Variants in PHF2 observed in about 807,000 individuals in gnomAD.
PHF2 encodes PHD finger protein 2.
In PHF2, 27 loss-of-function variants were observed where a neutral mutation model predicts 120.5. That is an observed-to-expected ratio of 0.22 (90% confidence interval 0.17 to 0.31). The LOEUF (loss-of-function observed/expected upper bound fraction) is 0.31, where lower values mean the gene tolerates loss of function less well. PHF2 is among the 10% of genes least tolerant of loss of function. The pLI is 1.00. For synonymous variants in PHF2, 568 were observed against 592.5 expected, an observed-to-expected ratio of 0.96 and a Z score of 0.60; for missense variants, 1,024 against 1,434.8, an observed-to-expected ratio of 0.71 and a Z score of 4.63.
In PHF2 at chr9:93,673,872, A is replaced by G. The variant is rs1476508506; in HGVS notation, c.2626+10A>G. The stretch of plus-strand genomic sequence containing the variant: ...AAGGACTCAGACTACGGTGAGTGTC[A>G]CTCCTGCGTGGGGCAGGGCCCATGC... On this transcript the variant is annotated intron_variant, in intron 18 of 21. Coordinates refer to ENST00000359246, the MANE Select transcript of PHF2 (RefSeq NM_005392.4). The G allele has an allele frequency of 1.3e-6, 2 of 1,573,218 alleles. No individual in the cohort carries two copies. The highest frequency in any genetic ancestry group is 2.3e-5 in the East Asian group (1 of 44,044).
At chr9:93,608,322 C>CATA (rs200553405) in intron 1 of PHF2, among the ~76,000 whole-genome samples, 49,424 of 130,936 alleles carry the variant, frequency 0.38, 8,602 homozygotes, top group South Asian at 0.63. Flanking sequence ...GACACTGTCT[C>CATA]ATAATAATAA....
intron 1 of PHF2, among the ~76,000 whole-genome samples, chr9:93,599,287 G>C (rs4744258): frequency 0.31 from 47,399 of 152,188 alleles, 8,170 homozygotes; most frequent in South Asian, 0.61. Flanking sequence ...GATAGGCAGG[G>C]ATTAGGTGGC....
intron 1 of PHF2, among the ~76,000 whole-genome samples, chr9:93,580,809 G>A (rs1224869801): frequency 1.3e-5 from 2 of 152,204 alleles, no homozygotes; most frequent in Admixed American, 1.3e-4. Flanking sequence ...GGGCCCAGGG[G>A]TTAGCCAGGC....
intron 1 of PHF2, among the ~76,000 whole-genome samples, chr9:93,582,844 A>C (rs916088218): frequency 1.3e-5 from 2 of 152,238 alleles, no homozygotes; most frequent in African/African-American, 4.8e-5. Flanking sequence ...GTTTGCTTTT[A>C]TTGAAAATAT....
intron 5 of PHF2, among the ~76,000 whole-genome samples, chr9:93,651,423 A>T (rs7851178): frequency 0.36 from 54,801 of 151,916 alleles, 10,244 homozygotes; most frequent in Non-Finnish European, 0.4. Flanking sequence ...GGTTGTTTGC[A>T]ACTTTTGTTG....
At chr9:93,589,198 A>C (rs10123412) in intron 1 of PHF2, among the ~76,000 whole-genome samples, 1 of 152,184 alleles carries the variant, frequency 6.6e-6, no homozygotes, top group Non-Finnish European at 1.5e-5. Flanking sequence ...CCAAGTGCTC[A>C]CTGAAAGTTT....
At chr9:93,616,871 G>A (rs1269040528) in intron 1 of PHF2, among the ~76,000 whole-genome samples, 2 of 152,070 alleles carry the variant, frequency 1.3e-5, no homozygotes, top group Non-Finnish European at 2.9e-5. Flanking sequence ...GGCCAGGCTA[G>A]TCTTGAACTC....
rs566284002 is a variant in PHF2 at position 93,619,376 on chromosome 9, G to GTCCTGGGCTGGCA, written c.99-10580_99-10568dup. On this transcript the variant is annotated intron_variant, in intron 1 of 21. Coordinates refer to ENST00000359246, the MANE Select transcript of PHF2 (RefSeq NM_005392.4). Reference sequence around the variant, plus strand: ...ACTTGCTCAGAGGGCCTGATTCGGCGTCCTGGGCTGGCATCCTGGGCTGGC... The same window carrying GTCCTGGGCTGGCA: ...ACTTGCTCAGAGGGCCTGATTCGGCGTCCTGGGCTGGCATCCTGGGCTGGCATCCTGGGCTGGC... 1.2e-3 allele frequency among the ~76,000 whole-genome samples: 184 copies of GTCCTGGGCTGGCA among 152,348 alleles called. 3 individuals are homozygous for GTCCTGGGCTGGCA. Among genetic ancestry groups the GTCCTGGGCTGGCA allele is most frequent in the African/African-American group, 4.1e-3 (169 of 41,582 alleles).
rs140921169 is a variant in PHF2 at position 93,643,926 on chromosome 9, C to T, written c.300-1703C>T. Among the ~76,000 whole-genome samples, 1,173 of 152,246 alleles carry T rather than the reference C, an allele frequency of 7.7e-3. 9 individuals carry two copies. Among genetic ancestry groups the T allele is most frequent in the Non-Finnish European group, 0.011 (760 of 68,002 alleles). On this transcript the variant is annotated intron_variant, in intron 3 of 21. Transcript: ENST00000359246. ...TCCCTCCCACTTTCTCAGCTATCAC[C>T]AGACTTACTGATCTCCTGAACCCCC... is the stretch of plus-strand genomic sequence containing the variant.
chr9:93,643,883 A>G (rs925118224), intron 3 of PHF2, among the ~76,000 whole-genome samples: 1 of 151,478 alleles, frequency 6.6e-6, no homozygotes, highest in African/African-American at 2.4e-5. Context: ...CTGGCCGTCC[A>G]TATTTGCCTC....
intron 1 of PHF2, among the ~76,000 whole-genome samples, chr9:93,629,587 C>G (rs537094019): frequency 6.6e-6 from 1 of 152,208 alleles, no homozygotes; most frequent in African/African-American, 2.4e-5. Context: ...GTGTTTTCTG[C>G]CCCCTCAGGT....
In PHF2 at chr9:93,676,598, A is replaced by G. The variant is rs1212804511; in HGVS notation, c.2837A>G (p.Glu946Gly). ...AAAAKLSQQE[E>G]QKSKKKKSAK... is the part of the protein sequence containing the mutation. ...CCCTGCATGTTTTGTTCAAAGGAGG[A>G]GCAGAAAAGCAAGAAAAAAAAGAGT... The change falls in exon 21 of 22, where the codon GAG becomes GGG. Residue 946 changes from glutamate (E) to glycine (G), a missense_variant. Physicochemically the swap from Glu to Gly is moderately conservative, Grantham distance 98 (BLOSUM62 -2). This residue lies in a region of PHF2 where 677 missense variants were observed against 857.4 expected (regional missense o/e 0.79). Coordinates refer to ENST00000359246, the MANE Select transcript of PHF2 (RefSeq NM_005392.4). 6.3e-7 allele frequency: 1 copy of G among 1,593,518 alleles called. No individual in the cohort carries two copies. Among genetic ancestry groups the G allele is most frequent in the Admixed American group, 1.7e-5 (1 of 59,156 alleles).
chr9:93,629,862 C>A, intron 1 of PHF2, 108 bp from the exon 2 acceptor site: 1 of 1,058,918 alleles, frequency 9.4e-7, no homozygotes. Flanking sequence ...CTCCATCTGG[C>A]CCAGGTTCCC....
At chr9:93,671,161 T>A in intron 17 of PHF2, 1 of 980,668 alleles carries the variant, frequency 1.0e-6, no homozygotes, top group Non-Finnish European at 1.2e-6. Flanking sequence ...TGGATGTAGG[T>A]GTGGGAGTAG....
intron 1 of PHF2, among the ~76,000 whole-genome samples, chr9:93,597,307 G>C (rs1357708265): frequency 6.6e-6 from 1 of 152,194 alleles, no homozygotes; most frequent in Admixed American, 6.5e-5. Context: ...CAGGCATTCA[G>C]GGTCTTTGGT....
intron 3 of PHF2, among the ~76,000 whole-genome samples, chr9:93,642,792 C>T (rs1826191234): frequency 6.6e-6 from 1 of 152,168 alleles, no homozygotes; most frequent in African/African-American, 2.4e-5. Context: ...AGCATTTCTT[C>T]TGTATTCTCT....
Position 93,662,902 on chromosome 9 carries a change from T to A in PHF2, c.1699-5T>A. Reference sequence around the variant, plus strand: ...CCTCTGGGTCACAGCAGCCCTTTTTTCTAGGCCACAAAGAGTGTCCTGAGT... The same window carrying A: ...CCTCTGGGTCACAGCAGCCCTTTTTACTAGGCCACAAAGAGTGTCCTGAGT... On this transcript the variant is annotated splice_region_variant and splice_polypyrimidine_tract_variant and intron_variant, in intron 12 of 21. Coordinates refer to ENST00000359246, the MANE Select transcript of PHF2 (RefSeq NM_005392.4). 1 of 1,613,946 alleles carries A rather than the reference T, an allele frequency of 6.2e-7. No individual in the cohort carries two copies. Among genetic ancestry groups the A allele is most frequent in the Non-Finnish European group, 8.5e-7 (1 of 1,179,882 alleles).
Position 93,677,636 on chromosome 9 carries a change from A to G in PHF2, c.3251A>G (p.Lys1084Arg). The G allele has an allele frequency of 6.2e-7, 1 of 1,613,886 alleles. No individual in the cohort carries two copies. Among genetic ancestry groups the G allele is most frequent in the Non-Finnish European group, 8.5e-7 (1 of 1,179,954 alleles). Residue 1084 changes from lysine to arginine, a missense_variant, in exon 22 of 22, where the codon AAA becomes AGA. Lys to Arg is a conservative substitution (Grantham distance 26, BLOSUM62 2). Coordinates refer to ENST00000359246, the MANE Select transcript of PHF2 (RefSeq NM_005392.4). This position sits in a 1 kb window ranked among gnomAD's most constrained non-coding sequence, Gnocchi z 4.4. ...GMATAKQRLG[K>R]ILKIHRNGKL... Reference sequence around the variant, plus strand: ...GCGACCGCCAAGCAGAGGCTTGGGAAAATTTTGAAAATTCATCGGAACGGG... The same window carrying G: ...GCGACCGCCAAGCAGAGGCTTGGGAGAATTTTGAAAATTCATCGGAACGGG...
chr9:93,590,456 C>T (rs1030054273), intron 1 of PHF2, among the ~76,000 whole-genome samples: 1 of 152,220 alleles, frequency 6.6e-6, no homozygotes, highest in African/African-American at 2.4e-5. Context: ...CACAGAACTC[C>T]AGGGCAGGTG....
Sources: gnomAD v4.1 joint callset for allele counts (sites outside exome capture counted in the v4.1 genomes callset) on GRCh38, gnomAD v4.1.1 for gene constraint, gnomAD v4.1.1 regional missense constraint, Gnocchi (gnomAD v3.1) non-coding constraint, MANE v1.5 for transcripts, NCBI Gene and HGNC (gene_info 2026-07-23, HGNC 2026-07-21) for gene names.